The following PCDH11X variants were observed in gnomAD, a reference collection of about 807,000 sequenced individuals.
PCDH11X encodes protocadherin 11 X-linked, also known as protocadherin-11 X-linked.
A neutral mutation model predicts 53.3 loss-of-function variants in PCDH11X; 18 were observed. That is an observed-to-expected ratio of 0.34 (90% confidence interval 0.23 to 0.50). PCDH11X has a LOEUF of 0.50. Ranked by LOEUF, PCDH11X falls within the 20% of genes least tolerant of loss-of-function variation. PCDH11X has a pLI of 0.98. For synonymous variants in PCDH11X, 279 were observed against 393.3 expected, an observed-to-expected ratio of 0.71 and a Z score of 3.44; for missense variants, 570 against 1,032.4, an observed-to-expected ratio of 0.55 and a Z score of 6.14.
At chrX:91,800,953 C>T (rs1935913728) in intron 1 of PCDH11X, among the ~76,000 whole-genome samples, 1 of 107,695 alleles carries the variant, frequency 9.3e-6, no homozygotes, top group African/African-American at 3.4e-5. Flanking sequence ...TGGAGTGGGG[C>T]AGAGAGCTTG....
intron 8 of PCDH11X, among the ~76,000 whole-genome samples, chrX:92,373,817 C>T (rs2070681078): frequency 9.0e-6 from 1 of 111,550 alleles, no homozygotes; most frequent in East Asian, 2.8e-4. Context: ...AAGAGTAATG[C>T]TTTACTGAAT....
At chrX:91,875,442 C>T (rs1329458000) in intron 5 of PCDH11X, among the ~76,000 whole-genome samples, 3 of 105,798 alleles carry the variant, frequency 2.8e-5, no homozygotes, top group African/African-American at 7.3e-5. Context: ...GCCACCACGC[C>T]AGGCTAATTT....
rs771596214 is a variant in PCDH11X, at chrX:91,906,127, TAAAG to T, written c.3033+26857_3033+26860del. On this transcript the variant is annotated intron_variant, in intron 6 of 10. Transcript: ENST00000682573. ...TTGACTCATATATTCAAAATTGTGA[TAAAG>T]AAGACCTTTTTAGCTTACAATTTGC... Among the ~76,000 whole-genome samples the T allele has an allele frequency of 2.2e-4, 25 of 111,707 alleles. No individual in the cohort carries two copies. The East Asian group carries it at 5.6e-3, about 25-fold the overall frequency.
intron 8 of PCDH11X, among the ~76,000 whole-genome samples, chrX:92,380,013 G>A (rs2070839424): frequency 9.9e-6 from 1 of 100,775 alleles, no homozygotes; most frequent in South Asian, 4.6e-4. Context: ...GGGGTGATGA[G>A]GATAGAAGAG....
chrX:92,405,890 C>G (rs1452523883), intron 9 of PCDH11X, among the ~76,000 whole-genome samples: 1 of 110,255 alleles, frequency 9.1e-6, no homozygotes, highest in African/African-American at 3.3e-5. Context: ...GTCAGGAGAT[C>G]GAGACCATCC....
chrX:92,253,256 G>T (rs901273326), intron 7 of PCDH11X, among the ~76,000 whole-genome samples: 1 of 111,372 alleles, frequency 9.0e-6, no homozygotes, highest in African/African-American at 3.3e-5. Context: ...CAGTGTAGGT[G>T]TGCGGATTTG....
intron 6 of PCDH11X, among the ~76,000 whole-genome samples, chrX:92,077,017 G>A (rs1306660397): frequency 1.8e-5 from 2 of 111,556 alleles, no homozygotes; most frequent in African/African-American, 6.5e-5. Flanking sequence ...AATGAACATT[G>A]CCTTTCATTA....
intron 8 of PCDH11X, among the ~76,000 whole-genome samples, chrX:92,336,046 G>C (rs2069610511): frequency 9.0e-6 from 1 of 111,058 alleles, no homozygotes; most frequent in South Asian, 3.7e-4. Flanking sequence ...AACAGCTATA[G>C]CAATTATCTT....
At chrX:92,030,286 A>C (rs1028732620) in intron 6 of PCDH11X, among the ~76,000 whole-genome samples, 7 of 110,602 alleles carry the variant, frequency 6.3e-5, no homozygotes, top group African/African-American at 2.3e-4. Flanking sequence ...ATAGTAACTG[A>C]GTGGTTTTAC....
chrX:92,149,962 CTT>C (rs1404820412), intron 6 of PCDH11X, among the ~76,000 whole-genome samples: 2 of 111,655 alleles, frequency 1.8e-5, no homozygotes, highest in African/African-American at 6.5e-5. Context: ...TAATATTCAA[CTT>C]TATGGATACA....
At chrX:92,148,992 C>T (rs1290814928) in intron 6 of PCDH11X, among the ~76,000 whole-genome samples, 2 of 111,281 alleles carry the variant, frequency 1.8e-5, no homozygotes, top group Non-Finnish European at 3.8e-5. Context: ...TGCTTTCCCT[C>T]ACATTATATT....
At chrX:91,880,347 A>G (rs1291682282) in intron 6 of PCDH11X, among the ~76,000 whole-genome samples, 1 of 111,450 alleles carries the variant, frequency 9.0e-6, no homozygotes, top group Admixed American at 9.6e-5. Context: ...TTCAGGGAAT[A>G]AAGTCTTTTG....
chrX:92,220,508 C>G (rs1399840170), intron 7 of PCDH11X, among the ~76,000 whole-genome samples: 1 of 109,621 alleles, frequency 9.1e-6, no homozygotes, highest in Non-Finnish European at 1.9e-5. Context: ...GATACCACCT[C>G]ACACCAGTTA....
chrX:92,471,466 A>T, intron 10 of PCDH11X, among the ~76,000 whole-genome samples: 1 of 105,589 alleles, frequency 9.5e-6, no homozygotes, highest in Non-Finnish European at 2.0e-5. Flanking sequence ...GCTGCATAGT[A>T]TTCCATGGTG....
chrX:92,597,085 A>G, intron 10 of PCDH11X, among the ~76,000 whole-genome samples: 1 of 111,810 alleles, frequency 8.9e-6, no homozygotes, highest in East Asian at 2.8e-4. Context: ...GCTGAATAGT[A>G]AAATAATAAA....
intron 9 of PCDH11X, among the ~76,000 whole-genome samples, chrX:92,413,619 T>C (rs1214457640): frequency 7.5e-5 from 8 of 106,063 alleles, no homozygotes; most frequent in African/African-American, 2.9e-4. Flanking sequence ...GGTTCATACA[T>C]TTGGAAAGAA....
chrX:92,524,636 C>CT (rs59480486), intron 10 of PCDH11X, among the ~76,000 whole-genome samples: 9,765 of 103,942 alleles, frequency 0.094, 469 homozygotes, highest in East Asian at 0.28. Context: ...TGAATTTGAC[C>CT]TTTTTTTTTT....
At chrX:91,889,527 G>A (rs1042723851) in intron 6 of PCDH11X, among the ~76,000 whole-genome samples, 1 of 111,975 alleles carries the variant, frequency 8.9e-6, no homozygotes, top group Non-Finnish European at 1.9e-5. Flanking sequence ...TGACCAGGCT[G>A]TTCTCAAACT....
chrX:92,264,370 G>T (rs2067779859), intron 8 of PCDH11X, among the ~76,000 whole-genome samples: 1 of 111,520 alleles, frequency 9.0e-6, no homozygotes, highest in Non-Finnish European at 1.9e-5. Context: ...ATTTTTGAAA[G>T]TCAGCTCCTC....
Sources: gnomAD v4.1 joint callset for allele counts (sites outside exome capture counted in the v4.1 genomes callset) on GRCh38, gnomAD v4.1.1 for gene constraint, MANE v1.5 for transcripts, NCBI Gene and HGNC (gene_info 2026-07-23, HGNC 2026-07-21) for gene names.